Variants in RGS6 observed in about 807,000 individuals in gnomAD.
RGS6 encodes regulator of G-protein signaling 6.
Under a neutral mutation model 78.5 loss-of-function variants are expected in RGS6, and 30 were observed. The observed-to-expected ratio is 0.38, with a 90% CI of 0.29 to 0.52. The LOEUF is 0.52. Among genes scored for constraint, RGS6 ranks in the 20% least tolerant of loss-of-function variants. RGS6 has a pLI of 0.85. For missense variants in RGS6, 495 were observed against 609.7 expected, an observed-to-expected ratio of 0.81 and a Z score of 1.98; for synonymous variants, 206 against 206.0, an observed-to-expected ratio of 1.00 and a Z score of 0.00.
At chr14:72,449,813 G>A (rs973923392) in intron 3 of RGS6, among the ~76,000 whole-genome samples, 1 of 152,096 alleles carries the variant, frequency 6.6e-6, no homozygotes, top group African/African-American at 2.4e-5. Context: ...TGAGCCTCGG[G>A]ATTGAGCCTC....
chr14:71,943,875 G>A (rs1382437523), intron 1 of RGS6, among the ~76,000 whole-genome samples: 2 of 152,178 alleles, frequency 1.3e-5, no homozygotes, highest in Non-Finnish European at 2.9e-5. Context: ...GCTAGTATTG[G>A]TAGGAATTCA....
the RGS6 span, among the ~76,000 whole-genome samples, chr14:72,583,014 C>T: frequency 1.3e-5 from 2 of 151,680 alleles, no homozygotes; most frequent in African/African-American, 4.8e-5. Flanking sequence ...AGCTCAGGTA[C>T]AAAAAAAGGG....
chr14:71,992,245 C>G (rs2094988874), intron 2 of RGS6, among the ~76,000 whole-genome samples: 1 of 152,162 alleles, frequency 6.6e-6, no homozygotes, highest in African/African-American at 2.4e-5. Context: ...GTTGGCCAGG[C>G]TGGTCTTGAA....
intron 2 of RGS6, among the ~76,000 whole-genome samples, chr14:72,187,203 C>T (rs1458399252): frequency 6.6e-6 from 1 of 152,180 alleles, no homozygotes; most frequent in African/African-American, 2.4e-5. Context: ...AAACTTGAGC[C>T]TCAGTAAATG....
the RGS6 span, among the ~76,000 whole-genome samples, chr14:72,613,526 A>G: frequency 6.6e-6 from 1 of 152,194 alleles, no homozygotes. Context: ...CACCTGCCCT[A>G]TGACCTGAGG....
intron 17 of RGS6, chr14:72,541,368 A>T: frequency 7.2e-7 from 1 of 1,392,778 alleles, no homozygotes; most frequent in South Asian, 1.4e-5. Context: ...CTACATGTAA[A>T]CCTCAAATAA....
At chr14:72,077,176 T>C (rs1007681107) in intron 2 of RGS6, among the ~76,000 whole-genome samples, 1 of 151,994 alleles carries the variant, frequency 6.6e-6, no homozygotes, top group Admixed American at 6.6e-5. Context: ...TGAAAACTTA[T>C]ATTGATTTGT....
At chr14:72,607,828 G>A in the RGS6 span, among the ~76,000 whole-genome samples, 9 of 152,158 alleles carry the variant, frequency 5.9e-5, no homozygotes, top group Non-Finnish European at 1.2e-4. Context: ...TGCAGAGATG[G>A]CTCGACAACC....
intron 2 of RGS6, among the ~76,000 whole-genome samples, chr14:72,340,807 A>G (rs2076849958): frequency 1.3e-5 from 2 of 152,296 alleles, no homozygotes; most frequent in South Asian, 4.1e-4. Context: ...GATCTTTTCT[A>G]TTCTCTACTT....
At chr14:72,504,717 C>T (rs1023165388) in intron 13 of RGS6, among the ~76,000 whole-genome samples, 1 of 150,516 alleles carries the variant, frequency 6.6e-6, no homozygotes, top group Non-Finnish European at 1.5e-5. Context: ...CTCCCCTCCT[C>T]TCCCCTCCCC....
the RGS6 span, among the ~76,000 whole-genome samples, chr14:72,588,711 C>T: frequency 6.6e-6 from 1 of 152,312 alleles, no homozygotes; most frequent in South Asian, 2.1e-4. Context: ...CCTTAGGTAA[C>T]AAAGTTACAG....
chr14:71,873,448 G>A, the RGS6 span, among the ~76,000 whole-genome samples: 2 of 152,102 alleles, frequency 1.3e-5, no homozygotes, highest in Non-Finnish European at 2.9e-5. Context: ...TTCTTTTGAG[G>A]AGTGTCTGTT....
the RGS6 span, among the ~76,000 whole-genome samples, chr14:71,926,491 G>A: frequency 6.6e-6 from 1 of 150,762 alleles, no homozygotes; most frequent in African/African-American, 2.4e-5. Context: ...GGCTGAGGCA[G>A]GAGAATCGCT....
chr14:71,876,669 A>G, the RGS6 span, among the ~76,000 whole-genome samples: 2 of 151,686 alleles, frequency 1.3e-5, no homozygotes, highest in Middle Eastern at 6.8e-3. Flanking sequence ...CATTTAGCCC[A>G]TTTACATTTA....
At chr14:72,272,152 A>G (rs1205698926) in intron 2 of RGS6, among the ~76,000 whole-genome samples, 1 of 152,136 alleles carries the variant, frequency 6.6e-6, no homozygotes, top group African/African-American at 2.4e-5. Context: ...ACCAACCCTC[A>G]TCCATCTCTA....
intron 17 of RGS6, among the ~76,000 whole-genome samples, chr14:72,544,469 G>C (rs2097366166): frequency 6.6e-6 from 1 of 152,172 alleles, no homozygotes; most frequent in African/African-American, 2.4e-5. Context: ...AGAAAATGGG[G>C]TTGCTGGTGC....
chr14:72,550,528 A>G, intron 17 of RGS6: 2 of 1,535,716 alleles, frequency 1.3e-6, no homozygotes, highest in South Asian at 1.2e-5. Flanking sequence ...GGAAATGGAG[A>G]TGGAGCATCC....
chr14:72,084,745 T>C (rs1181208965), intron 2 of RGS6, among the ~76,000 whole-genome samples: 3 of 152,046 alleles, frequency 2.0e-5, no homozygotes, highest in African/African-American at 7.2e-5. Context: ...TGATTTTTTT[T>C]TTTTCCTGCT....
chr14:72,096,166 G>C (rs2095402223), intron 2 of RGS6, among the ~76,000 whole-genome samples: 1 of 152,040 alleles, frequency 6.6e-6, no homozygotes, highest in African/African-American at 2.4e-5. Flanking sequence ...CTAGCTACTT[G>C]GGAGGCTGAG....
Sources: allele counts gnomAD v4.1 joint callset (sites outside exome capture counted in the v4.1 genomes callset), GRCh38; gene constraint gnomAD v4.1.1; transcripts MANE v1.5; gene names NCBI Gene and HGNC (gene_info 2026-07-23, HGNC 2026-07-21).